EXD3: variants seen among roughly 807,000 people sequenced by gnomAD.
The protein encoded by EXD3 is exonuclease 3'-5' domain containing 3, also known as exonuclease mut-7 homolog.
EXD3 carries 92 observed loss-of-function variants against 98.0 expected under a neutral mutation model. The ratio of observed to expected loss-of-function variants is 0.94; its 90% confidence interval spans 0.79 to 1.12. The LOEUF (loss-of-function observed/expected upper bound fraction) is 1.12, where lower values mean the gene tolerates loss of function less well. Among genes scored for constraint, EXD3 ranks in the 50% most tolerant of loss-of-function variants. EXD3 has a pLI of 0.00. For synonymous variants in EXD3, 569 were observed against 526.0 expected, an observed-to-expected ratio of 1.08 and a Z score of -1.12; for missense variants, 1,222 against 1,191.6, an observed-to-expected ratio of 1.03 and a Z score of -0.38.
intron 20 of EXD3, 137 bp downstream of exon 20, chr9:137,309,470 C>T: frequency 4.3e-6 from 3 of 693,548 alleles, no homozygotes; most frequent in Non-Finnish European, 4.8e-6. Context: ...GTGGTTTTTC[C>T]ACCTGTCGTC....
chr9:137,337,743 G>C (rs952257982), intron 17 of EXD3, among the ~76,000 whole-genome samples: 1 of 151,792 alleles, frequency 6.6e-6, no homozygotes, highest in Non-Finnish European at 1.5e-5. Context: ...GAGGGAGAGA[G>C]GGGGAGAGAG....
intron 2 of EXD3, among the ~76,000 whole-genome samples, chr9:137,384,416 A>C (rs1836481152): frequency 6.6e-6 from 1 of 152,242 alleles, no homozygotes. Flanking sequence ...AAGTGTTCTA[A>C]AATTCAGTTC....
At chr9:137,391,099 C>G (rs1032438470) in intron 2 of EXD3, among the ~76,000 whole-genome samples, 2 of 152,044 alleles carry the variant, frequency 1.3e-5, no homozygotes, top group African/African-American at 4.8e-5. Flanking sequence ...TCCTTACCCC[C>G]CTCCCAGCAG....
chr9:137,312,276 G>C (rs1831403952), intron 19 of EXD3, among the ~76,000 whole-genome samples: 2 of 149,770 alleles, frequency 1.3e-5, no homozygotes, highest in Admixed American at 1.3e-4. Context: ...ACCACCCCCA[G>C]AGCCTGACTG....
intron 17 of EXD3, among the ~76,000 whole-genome samples, chr9:137,327,967 T>C (rs983610148): frequency 2.0e-5 from 1 of 49,708 alleles, no homozygotes; most frequent in Non-Finnish European, 4.1e-5. Context: ...ATATGATGAG[T>C]AAAAACAACT....
In EXD3 at chr9:137,324,141, A is replaced by G; in HGVS notation, c.2001T>C (p.Val667=). 1 of 1,578,068 alleles carries G rather than the reference A, an allele frequency of 6.3e-7. No individual in the cohort carries two copies. The highest frequency in any genetic ancestry group is 8.6e-7 in the Non-Finnish European group (1 of 1,162,568). ...GAATGATCCTCCCCTCCTGCCTGGC[A>G]ACCTGTGTGGGAGGTGCGACCAGCA... The part of the protein sequence containing the change: ...NGEDHRRAAE[V]ARQEGRIILT... The change falls in exon 18 of 22, where the codon GTT becomes GTC. Residue 667 remains valine (V), a splice_region_variant and synonymous_variant. Transcript: ENST00000340951. This position sits in a 1 kb window ranked among gnomAD's most constrained non-coding sequence, Gnocchi z 4.1.
intron 1 of EXD3, among the ~76,000 whole-genome samples, chr9:137,421,521 A>C (rs1838512199): frequency 6.6e-6 from 1 of 152,224 alleles, no homozygotes; most frequent in Non-Finnish European, 1.5e-5. Context: ...CTAAATCCTG[A>C]ACAATCTTCT....
At chr9:137,355,485 A>AGGAGGAAGGAGAAAG (rs1564508228) in intron 8 of EXD3, among the ~76,000 whole-genome samples, 1 of 62,110 alleles carries the variant, frequency 1.6e-5, no homozygotes, top group Non-Finnish European at 3.0e-5. Flanking sequence ...GGAAGGAGGA[A>AGGAGGAAGGAGAAAG]GGAGGATGGA....
intron 1 of EXD3, among the ~76,000 whole-genome samples, chr9:137,404,357 C>T (rs1837618675): frequency 1.3e-5 from 2 of 152,180 alleles, no homozygotes; most frequent in Admixed American, 1.3e-4. Context: ...ACTATTCCCT[C>T]CGCCTTCATG....
Position 137,339,310 on chromosome 9 carries a change from G to A in EXD3, c.1998+8761C>T, listed in dbSNP as rs540953971. On this transcript the variant is annotated intron_variant, in intron 17 of 21. Transcript: ENST00000340951. ...ATGTATTTATGAGGCCAGAAAAAAA[G>A]AGAAAGGAAAATTATATGTCAGATG... is the stretch of plus-strand genomic sequence containing the variant. 3.3e-5 allele frequency among the ~76,000 whole-genome samples: 5 copies of A among 152,142 alleles called. No individual in the cohort carries two copies. The East Asian group carries it at 9.6e-4, about 29-fold the overall frequency.
At chr9:137,400,907 C>T (rs1837452801) in intron 1 of EXD3, among the ~76,000 whole-genome samples, 1 of 152,194 alleles carries the variant, frequency 6.6e-6, no homozygotes, top group South Asian at 2.1e-4. Flanking sequence ...ACATCCAGGT[C>T]ATGCTGATGC....
At chr9:137,422,396 T>C (rs979699304) in intron 1 of EXD3, among the ~76,000 whole-genome samples, 4 of 152,144 alleles carry the variant, frequency 2.6e-5, no homozygotes, top group Non-Finnish European at 5.9e-5. Flanking sequence ...AGCCCCTCAC[T>C]ACCCCTCGAG....
At chr9:137,394,047 G>A (rs1009071258) in intron 2 of EXD3, among the ~76,000 whole-genome samples, 25 of 152,184 alleles carry the variant, frequency 1.6e-4, no homozygotes, top group African/African-American at 6.0e-4. Flanking sequence ...CCCGTCCCCG[G>A]CACAGAGAGC....
chr9:137,313,716 AG>A (rs747931521), intron 19 of EXD3, among the ~76,000 whole-genome samples: 140 of 152,258 alleles, frequency 9.2e-4, no homozygotes, highest in Non-Finnish European at 1.6e-3. Context: ...CCAACCCTGC[AG>A]GCAGGTCCAG....
In EXD3 at chr9:137,307,143, A is replaced by T; in HGVS notation, c.2438T>A (p.Leu813Gln). 1 of 1,597,260 alleles carries T rather than the reference A, an allele frequency of 6.3e-7. No homozygotes were observed. Among genetic ancestry groups the T allele is most frequent in the Non-Finnish European group, 8.5e-7 (1 of 1,172,994 alleles). The stretch of plus-strand genomic sequence containing the variant: ...CAGCACACCCACCGGGACCCCTGCC[A>T]GCTGCAGCCGGGTGCCGTCGGCCAG... ...DMLADGTRLQ[L>Q]AGVPVGVLRT... is the part of the protein sequence containing the mutation. The change falls in exon 22 of 22, where the codon CTG (leucine) becomes CAG (glutamine). Residue 813 changes from leucine to glutamine, a missense_variant. Physicochemically the swap from Leu to Gln is moderately radical, Grantham distance 113. Coordinates refer to ENST00000340951, the MANE Select transcript of EXD3 (RefSeq NM_017820.5).
intron 3 of EXD3, chr9:137,374,752 T>G: frequency 1.0e-6 from 1 of 985,438 alleles, no homozygotes; most frequent in Non-Finnish European, 1.2e-6. Context: ...AGCTTCTCTG[T>G]CCCTCGGGAC....
intron 6 of EXD3, 144 bp downstream of exon 6, chr9:137,367,792 C>G: frequency 2.7e-6 from 2 of 733,308 alleles, no homozygotes; most frequent in South Asian, 1.7e-5. Flanking sequence ...TTAGGGGGCT[C>G]TGGAGGCCCT....
intron 1 of EXD3, among the ~76,000 whole-genome samples, chr9:137,409,566 T>C (rs1837896489): frequency 6.6e-6 from 1 of 151,666 alleles, no homozygotes; most frequent in South Asian, 2.1e-4. Flanking sequence ...AAAAAACAGG[T>C]ATCTATCCAG....
At chr9:137,418,520 T>G (rs1838347985) in intron 1 of EXD3, among the ~76,000 whole-genome samples, 1 of 152,252 alleles carries the variant, frequency 6.6e-6, no homozygotes, top group African/African-American at 2.4e-5. Flanking sequence ...AGGAGATGCA[T>G]CTCTGTAAAA....
Sources: gnomAD v4.1 joint callset for allele counts (sites outside exome capture counted in the v4.1 genomes callset) on GRCh38, gnomAD v4.1.1 for gene constraint, Gnocchi (gnomAD v3.1) non-coding constraint, MANE v1.5 for transcripts, NCBI Gene and HGNC (gene_info 2026-07-23, HGNC 2026-07-21) for gene names.